NFIA: variants seen among roughly 807,000 people sequenced by gnomAD.
NFIA encodes the protein nuclear factor I A.
Under a neutral mutation model 62.8 loss-of-function variants are expected in NFIA, and 8 were observed. The ratio of observed to expected loss-of-function variants is 0.13; its 90% CI spans 0.07 to 0.23. The LOEUF (loss-of-function observed/expected upper bound fraction) is 0.23. Ranked by LOEUF, NFIA falls within the 10% of genes least tolerant of loss-of-function variation. The pLI is 1.00. For synonymous variants in NFIA, 235 were observed against 238.1 expected, an observed-to-expected ratio of 0.99 and a Z score of 0.12; for missense variants, 410 against 642.1, an observed-to-expected ratio of 0.64 and a Z score of 3.91.
intron 2 of NFIA, among the ~76,000 whole-genome samples, chr1:61,207,127 A>G (rs868790896): frequency 6.6e-6 from 1 of 152,160 alleles, no homozygotes; most frequent in Non-Finnish European, 1.5e-5. Context: ...GGTGGTTCAG[A>G]GATTTTGTAG....
intron 2 of NFIA, among the ~76,000 whole-genome samples, chr1:61,265,321 A>AT (rs1451618485): frequency 6.6e-6 from 1 of 152,228 alleles, no homozygotes; most frequent in Non-Finnish European, 1.5e-5. Context: ...AGCACTGCAT[A>AT]TGTCAGGGAG....
At chr1:61,373,663 A>G (rs1273578791) in intron 6 of NFIA, among the ~76,000 whole-genome samples, 1 of 152,196 alleles carries the variant, frequency 6.6e-6, no homozygotes, top group East Asian at 1.9e-4. Context: ...TATGCCAACG[A>G]AAGTATTCAT....
In NFIA at chr1:61,213,897, C is replaced by T. The variant is rs533983365; in HGVS notation, c.560-63623C>T. ...AGTCAGACAGTTTAAGTCCTGCTGA[C>T]GCACCAGGCGTGTGTTGGCTCGTGG... On this transcript the variant is annotated intron_variant, in intron 2 of 10. Coordinates refer to ENST00000403491, the MANE Select transcript of NFIA (RefSeq NM_001134673.4). Among the ~76,000 whole-genome samples the T allele has an allele frequency of 2.2e-3, 331 of 152,294 alleles. 3 individuals carry two copies. The highest frequency in any genetic ancestry group is 7.0e-3 in the South Asian group (34 of 4,826).
At chr1:61,083,075 C>G (rs1646145830) in intron 1 of NFIA, among the ~76,000 whole-genome samples, 2 of 152,182 alleles carry the variant, frequency 1.3e-5, no homozygotes, top group South Asian at 4.1e-4. Context: ...GGGCACATGG[C>G]TAATGGCGCC....
At chr1:61,368,242 G>A (rs889368479) in intron 6 of NFIA, among the ~76,000 whole-genome samples, 40 of 152,156 alleles carry the variant, frequency 2.6e-4, no homozygotes, top group Admixed American at 2.1e-3. Flanking sequence ...AGGTTTATAT[G>A]TGAAATCCTC....
At chr1:61,448,239 C>T (rs1193881189) in intron 10 of NFIA, among the ~76,000 whole-genome samples, 2 of 152,192 alleles carry the variant, frequency 1.3e-5, no homozygotes, top group Admixed American at 1.3e-4. Context: ...CTTTCATAAA[C>T]TTGAGCCAAT....
At chr1:61,377,900 G>C (rs1383025045) in intron 6 of NFIA, among the ~76,000 whole-genome samples, 5 of 152,152 alleles carry the variant, frequency 3.3e-5, no homozygotes, top group Non-Finnish European at 7.3e-5. Context: ...AATCCAGCAT[G>C]TTGTTCGGTT....
intron 6 of NFIA, among the ~76,000 whole-genome samples, chr1:61,373,103 A>G (rs1303780473): frequency 6.6e-6 from 1 of 152,184 alleles, no homozygotes; most frequent in African/African-American, 2.4e-5. Context: ...AATTCATTGC[A>G]CAACGCTAGC....
intron 4 of NFIA, among the ~76,000 whole-genome samples, chr1:61,345,176 C>T (rs4587595): frequency 2.0e-3 from 305 of 152,080 alleles, no homozygotes; most frequent in Middle Eastern, 0.014. Flanking sequence ...AAAAACTCCT[C>T]GATAGAGCAA....
rs545081032 is a variant in NFIA at position 61,243,973 on chromosome 1, GTTGT to G, written c.560-33542_560-33539del. ...AAAGTGAGTATTTTACTTTAAAAGAGTTGTTTGTGTTTTAAATTTATGTGGTGGT... is the reference window on the plus strand; with the variant it reads ...AAAGTGAGTATTTTACTTTAAAAGAGTTGTGTTTTAAATTTATGTGGTGGT... On this transcript the variant is annotated intron_variant, in intron 2 of 10. Transcript: ENST00000403491. Among the ~76,000 whole-genome samples the G allele has an allele frequency of 5.2e-4, 79 of 152,170 alleles. No homozygotes were observed. The South Asian group carries it at 0.014, about 28-fold the overall frequency.
At chr1:61,098,835 A>C (rs957066779) in intron 2 of NFIA, among the ~76,000 whole-genome samples, 1 of 152,242 alleles carries the variant, frequency 6.6e-6, no homozygotes, top group Non-Finnish European at 1.5e-5. Flanking sequence ...AGTTTCAGTA[A>C]AATGAAGTGG....
chr1:61,377,293 A>C (rs12738028), intron 6 of NFIA, among the ~76,000 whole-genome samples: 47,558 of 151,686 alleles, frequency 0.31, 7,558 homozygotes, highest in South Asian at 0.38. Context: ...CATAGTGGGC[A>C]CTTCATAATT....
chr1:61,175,547 G>A (rs1650284557), intron 2 of NFIA, among the ~76,000 whole-genome samples: 2 of 152,214 alleles, frequency 1.3e-5, no homozygotes, highest in Non-Finnish European at 1.5e-5. Context: ...TTAGGGTAGA[G>A]TACCAAATGG....
chr1:61,266,660 A>T (rs1190600954), intron 2 of NFIA, among the ~76,000 whole-genome samples: 1 of 152,200 alleles, frequency 6.6e-6, no homozygotes, highest in Non-Finnish European at 1.5e-5. Context: ...TCGGCCTCCC[A>T]AAGTGCTGGG....
At chr1:61,437,697 G>T (rs1434272179) in intron 10 of NFIA, among the ~76,000 whole-genome samples, 1 of 152,206 alleles carries the variant, frequency 6.6e-6, no homozygotes, top group African/African-American at 2.4e-5. Flanking sequence ...TAACTCTGGG[G>T]AGAAGCATGG....
chr1:61,131,463 A>G (rs752188142), intron 2 of NFIA, among the ~76,000 whole-genome samples: 11 of 152,164 alleles, frequency 7.2e-5, no homozygotes, highest in Admixed American at 3.3e-4. Context: ...TGTGGACAGT[A>G]GGAACAAGGC....
At chr1:61,437,081 A>G (rs1206314215) in intron 10 of NFIA, among the ~76,000 whole-genome samples, 1 of 152,170 alleles carries the variant, frequency 6.6e-6, no homozygotes, top group Non-Finnish European at 1.5e-5. Context: ...GCACAGGGCA[A>G]CCTCGGACCC....
chr1:61,111,969 G>A (rs1045328221), intron 2 of NFIA, among the ~76,000 whole-genome samples: 5 of 152,228 alleles, frequency 3.3e-5, no homozygotes, highest in African/African-American at 1.2e-4. Context: ...TACCAGTTGT[G>A]TAGATTCCCA....
intron 3 of NFIA, among the ~76,000 whole-genome samples, chr1:61,306,777 G>A (rs1207978914): frequency 6.6e-6 from 1 of 152,160 alleles, no homozygotes; most frequent in African/African-American, 2.4e-5. Context: ...TACTGGCCTT[G>A]GAGTCCTGGA....
Sources: gnomAD v4.1 joint callset for allele counts (sites outside exome capture counted in the v4.1 genomes callset) on GRCh38, gnomAD v4.1.1 for gene constraint, MANE v1.5 for transcripts, NCBI Gene and HGNC (gene_info 2026-07-23, HGNC 2026-07-21) for gene names.